Variants in C18orf54 observed in about 807,000 individuals in gnomAD.
C18orf54 encodes the protein chromosome 18 open reading frame 54.
A neutral mutation model predicts 49.3 loss-of-function variants in C18orf54; 49 were observed. That is an observed-to-expected ratio of 0.99 (90% CI 0.79 to 1.26). The LOEUF is 1.26. Ranked by LOEUF, C18orf54 falls within the 50% of genes most tolerant of loss-of-function variation. The pLI is 0.00. For missense variants in C18orf54, 687 were observed against 620.6 expected, an observed-to-expected ratio of 1.11 and a Z score of -1.14; for synonymous variants, 211 against 216.6, an observed-to-expected ratio of 0.97 and a Z score of 0.23.
At chr18:54,362,581 C>T (rs528877227) in intron 4 of C18orf54, 150 bp downstream of exon 4, 6 of 883,090 alleles carry the variant, frequency 6.8e-6, no homozygotes, top group African/African-American at 1.7e-5. Flanking sequence ...TCACATACAG[C>T]ATTTTGTAAC....
Position 54,360,937 on chromosome 18 carries a change from C to A in C18orf54, c.283+82C>A, listed in dbSNP as rs112436257. Reference sequence around the variant, plus strand: ...TGTACTGTAGTATTGTAAAGTTTGACATTATTTTTGTTACTTTGGAGTAAA... The same window carrying A: ...TGTACTGTAGTATTGTAAAGTTTGAAATTATTTTTGTTACTTTGGAGTAAA... On this transcript the variant is annotated intron_variant, in intron 3 of 8. Coordinates refer to ENST00000620105, the MANE Select transcript of C18orf54 (RefSeq NM_001288980.2). 1,087 of 1,352,006 alleles carry A rather than the reference C, an allele frequency of 8.0e-4. 13 individuals are homozygous for A. The African/African-American group carries it at 0.013, about 16-fold the overall frequency. 83.8% of individuals were successfully genotyped at this position (1,352,006 alleles called of 1,614,324 possible).
At chr18:54,371,592 T>G (rs2144745161) in intron 6 of C18orf54, among the ~76,000 whole-genome samples, 1 of 152,234 alleles carries the variant, frequency 6.6e-6, no homozygotes, top group Admixed American at 6.5e-5. Flanking sequence ...GGCTATAGCA[T>G]TTTACCTTTC....
chr18:54,372,410 C>G (rs1320177192), intron 6 of C18orf54, 56 bp from the exon 7 acceptor site: 1 of 1,372,972 alleles, frequency 7.3e-7, no homozygotes, highest in Non-Finnish European at 9.6e-7. Context: ...AAATAAAACT[C>G]TTCTTTCCCT....
At chr18:54,374,586 A>G (rs1257600193) in intron 8 of C18orf54, among the ~76,000 whole-genome samples, 2 of 151,860 alleles carry the variant, frequency 1.3e-5, no homozygotes, top group Non-Finnish European at 3.0e-5. Context: ...ATCCTATAAC[A>G]GTAACTTGTA....
In C18orf54 at chr18:54,360,517, T is replaced by A; in HGVS notation, c.-46-10T>A. On this transcript the variant is annotated splice_polypyrimidine_tract_variant and intron_variant, in intron 2 of 8. Coordinates refer to ENST00000620105, the MANE Select transcript of C18orf54 (RefSeq NM_001288980.2). ...AATTGGCATCTTAACATTTCGTTTT[T>A]GTATTACAGTTGTTTTTAAGGGAAA... is the stretch of plus-strand genomic sequence containing the variant. 1 of 1,558,462 alleles carries A rather than the reference T, an allele frequency of 6.4e-7. No homozygotes were observed. The highest frequency in any genetic ancestry group is 8.7e-7 in the Non-Finnish European group (1 of 1,148,128).
At chr18:54,371,056 C>T (rs1301880299) in intron 6 of C18orf54, among the ~76,000 whole-genome samples, 2 of 151,868 alleles carry the variant, frequency 1.3e-5, no homozygotes, top group Non-Finnish European at 2.9e-5. Flanking sequence ...CATTAAGTAC[C>T]TTCACATTGT....
chr18:54,368,843 C>G (rs1258770507), intron 6 of C18orf54, among the ~76,000 whole-genome samples: 1 of 152,036 alleles, frequency 6.6e-6, no homozygotes, highest in Non-Finnish European at 1.5e-5. Flanking sequence ...ATTTGTTTAG[C>G]AAATTATATT....
At chr18:54,365,449 G>A (rs1212727265) in intron 5 of C18orf54, among the ~76,000 whole-genome samples, 1 of 151,948 alleles carries the variant, frequency 6.6e-6, no homozygotes, top group East Asian at 1.9e-4. Context: ...TTCAGGCCTT[G>A]TTTAGCTGAA....
At chr18:54,374,408 G>A in intron 8 of C18orf54, 124 bp downstream of exon 8, 1 of 997,320 alleles carries the variant, frequency 1.0e-6, no homozygotes, top group Non-Finnish European at 1.3e-6. Flanking sequence ...AAGCTTCTTG[G>A]AGCACACTGT....
In C18orf54 at chr18:54,361,910, C is replaced by T; in HGVS notation, c.551C>T (p.Thr184Ile). The T allele has an allele frequency of 6.2e-7, 1 of 1,614,128 alleles. No homozygotes were observed. The highest frequency in any genetic ancestry group is 8.5e-7 in the Non-Finnish European group (1 of 1,179,990). Residue 184 changes from threonine to isoleucine, a missense_variant, in exon 4 of 9, where the codon ACT becomes ATT. Physicochemically the swap from Thr to Ile is moderately conservative, Grantham distance 89. Transcript: ENST00000620105. ...YTSMGKDNFVTPVIRSNINGK... is the reference protein window; with the variant it reads ...YTSMGKDNFVIPVIRSNINGK... ...TCCATGGGCAAGGATAACTTTGTTA[C>T]TCCTGTTATACGCTCAAATATAAAT...
intron 6 of C18orf54, among the ~76,000 whole-genome samples, chr18:54,369,156 T>G (rs2089440068): frequency 6.6e-6 from 1 of 152,176 alleles, no homozygotes; most frequent in African/African-American, 2.4e-5. Context: ...CCACATATAC[T>G]CACATATGTA....
At chr18:54,365,085 A>G (rs1166800847) in intron 5 of C18orf54, among the ~76,000 whole-genome samples, 1 of 152,028 alleles carries the variant, frequency 6.6e-6, no homozygotes, top group African/African-American at 2.4e-5. Flanking sequence ...TACTAGGTAC[A>G]TAGAAAATTA....
At chr18:54,366,583 C>T (rs1468947078) in intron 6 of C18orf54, among the ~76,000 whole-genome samples, 1 of 151,956 alleles carries the variant, frequency 6.6e-6, no homozygotes, top group Non-Finnish European at 1.5e-5. Flanking sequence ...AATAATGCTG[C>T]AGTAAACATC....
chr18:54,368,665 C>T (rs1019230197), intron 6 of C18orf54, among the ~76,000 whole-genome samples: 1 of 151,704 alleles, frequency 6.6e-6, no homozygotes, highest in Non-Finnish European at 1.5e-5. Context: ...CTAAAGATAC[C>T]GATTTTCCTT....
chr18:54,374,413 C>T, intron 8 of C18orf54, 129 bp downstream of exon 8: 1 of 766,650 alleles, frequency 1.3e-6, no homozygotes. Flanking sequence ...TCTTGGAGCA[C>T]ACTGTTTACA....
At chr18:54,376,910 A>G (rs528450211) in intron 8 of C18orf54, among the ~76,000 whole-genome samples, 2 of 152,362 alleles carry the variant, frequency 1.3e-5, no homozygotes, top group South Asian at 2.1e-4. Context: ...CATTTATTGA[A>G]CAACTACTGT....
intron 2 of C18orf54, among the ~76,000 whole-genome samples, chr18:54,360,168 GT>G (rs2089234778): frequency 6.6e-6 from 1 of 152,174 alleles, no homozygotes; most frequent in African/African-American, 2.4e-5. Context: ...GGAATATTAG[GT>G]ATTGTGATGT....
At position 54,361,700 on chromosome 18, in the gene C18orf54, C is replaced by T. The variant is rs145808382; in HGVS notation, c.341C>T (p.Thr114Ile). The T allele has an allele frequency of 8.1e-6, 13 of 1,613,594 alleles. No individual in the cohort carries two copies. In the East Asian group the frequency reaches 2.5e-4, roughly 30 times the overall value. Residue 114 changes from threonine (T) to isoleucine (I), a missense_variant, in exon 4 of 9, where the codon ACC becomes ATC. Transcript: ENST00000620105. ...AACTTCATATCCTGTAGAAGACACA[C>T]CGTTAATGACATAGACTCCATGAGC... ...HSNFISCRRH[T>I]VNDIDSMSLT... is the part of the protein sequence containing the mutation.
chr18:54,360,957 A>T, intron 3 of C18orf54, 102 bp downstream of exon 3: 1 of 1,152,664 alleles, frequency 8.7e-7, no homozygotes, highest in South Asian at 1.5e-5. Context: ...GTTACTTTGG[A>T]GTAAAAATAA....
Sources: allele counts gnomAD v4.1 joint callset (sites outside exome capture counted in the v4.1 genomes callset), GRCh38; gene constraint gnomAD v4.1.1; transcripts MANE v1.5; gene names NCBI Gene and HGNC (gene_info 2026-07-23, HGNC 2026-07-21).